The following ARHGAP44 variants were observed in gnomAD, a reference collection of about 807,000 sequenced individuals.
The protein encoded by ARHGAP44 is Rho GTPase activating protein 44, also known as rho GTPase-activating protein 44.
ARHGAP44 carries 43 observed loss-of-function variants against 106.8 expected under a neutral mutation model. The ratio of observed to expected loss-of-function variants is 0.40; its 90% CI spans 0.32 to 0.52. The LOEUF is 0.52. ARHGAP44 is among the 20% of genes least tolerant of loss of function. ARHGAP44 has a pLI of 0.48. For missense variants in ARHGAP44, 866 were observed against 1,050.5 expected (o/e 0.82, Z 2.43); for synonymous variants, 439 against 410.3 (o/e 1.07, Z -0.85).
At chr17:12,800,793 A>G (rs2034068962) in intron 1 of ARHGAP44, among the ~76,000 whole-genome samples, 2 of 152,336 alleles carry the variant, frequency 1.3e-5, no homozygotes, top group South Asian at 4.1e-4. Context: ...GATTTGAACC[A>G]GGGCCTAAGT....
intron 1 of ARHGAP44, among the ~76,000 whole-genome samples, chr17:12,853,221 G>A (rs904335179): frequency 1.3e-5 from 2 of 152,188 alleles, no homozygotes; most frequent in African/African-American, 4.8e-5. Flanking sequence ...TCTGATGTTC[G>A]AGGGCAGGAA....
At chr17:12,909,824 T>G (rs2150941021) in intron 4 of ARHGAP44, among the ~76,000 whole-genome samples, 1 of 152,236 alleles carries the variant, frequency 6.6e-6, no homozygotes, top group South Asian at 2.1e-4. Flanking sequence ...TCTTTGGATT[T>G]AAGGAGCACA....
chr17:12,889,325 A>G (rs2036972991), intron 1 of ARHGAP44, among the ~76,000 whole-genome samples: 1 of 152,312 alleles, frequency 6.6e-6, no homozygotes, highest in East Asian at 1.9e-4. Flanking sequence ...TTATTTTCTC[A>G]GAGTCCTGGA....
intron 10 of ARHGAP44, among the ~76,000 whole-genome samples, chr17:12,945,004 A>C (rs1054333339): frequency 3.3e-5 from 5 of 151,828 alleles, no homozygotes; most frequent in African/African-American, 1.2e-4. Context: ...AAAAATGTCT[A>C]TGAGAAATTT....
At chr17:12,875,875 T>C (rs7218753) in intron 1 of ARHGAP44, among the ~76,000 whole-genome samples, 19,696 of 151,892 alleles carry the variant, frequency 0.13, 3,556 homozygotes, top group African/African-American at 0.41. Flanking sequence ...ACCCGGGAGG[T>C]GGAGTTTGCA....
chr17:12,794,146 T>C (rs1325106085), intron 1 of ARHGAP44, among the ~76,000 whole-genome samples: 1 of 152,180 alleles, frequency 6.6e-6, no homozygotes. Context: ...GTGAGAAGCA[T>C]ACCGAAAGGC....
intron 18 of ARHGAP44, 24 bp downstream of exon 18, chr17:12,974,334 G>A (rs1018018431): frequency 5.1e-6 from 7 of 1,385,486 alleles, no homozygotes; most frequent in Admixed American, 3.8e-5. Flanking sequence ...ACTGCCGTCC[G>A]GGCGGGCTGG....
chr17:12,860,240 A>G (rs1170769528), intron 1 of ARHGAP44, among the ~76,000 whole-genome samples: 1 of 152,248 alleles, frequency 6.6e-6, no homozygotes, highest in African/African-American at 2.4e-5. Flanking sequence ...CCAGCTGTTC[A>G]GTTTTATATA....
At chr17:12,933,238 A>G (rs978395712) in intron 7 of ARHGAP44, among the ~76,000 whole-genome samples, 2 of 152,070 alleles carry the variant, frequency 1.3e-5, no homozygotes, top group Non-Finnish European at 2.9e-5. Flanking sequence ...TCAGCAGGCA[A>G]GTGTTTGGGA....
In ARHGAP44 at chr17:12,935,458, T is replaced by G. The variant is rs371607197; in HGVS notation, c.583-5598T>G. Among the ~76,000 whole-genome samples the G allele has an allele frequency of 1.5e-3, 228 of 151,834 alleles. 10 individuals carry two copies. The South Asian group carries it at 0.04, about 27-fold the overall frequency. On this transcript the variant is annotated intron_variant, in intron 7 of 20. Coordinates refer to ENST00000379672, the MANE Select transcript of ARHGAP44 (RefSeq NM_014859.6). ...GGTGGCTCATACCTATAATTCCAGC[T>G]ACTTGGGAAGCCAAATAAGGAGAAT...
intron 1 of ARHGAP44, among the ~76,000 whole-genome samples, chr17:12,837,387 A>G (rs2035266434): frequency 6.6e-6 from 1 of 152,192 alleles, no homozygotes; most frequent in Non-Finnish European, 1.5e-5. Context: ...ACCCATAAGT[A>G]TATGCACTTG....
intron 1 of ARHGAP44, among the ~76,000 whole-genome samples, chr17:12,821,130 G>A (rs539353069): frequency 5.9e-5 from 9 of 152,272 alleles, no homozygotes; most frequent in African/African-American, 1.9e-4. Flanking sequence ...GTCAGAAGAG[G>A]TGACATTATA....
intron 3 of ARHGAP44, among the ~76,000 whole-genome samples, chr17:12,903,494 G>A (rs2037456716): frequency 6.6e-6 from 1 of 152,154 alleles, no homozygotes; most frequent in Non-Finnish European, 1.5e-5. Context: ...GACTGGCTTT[G>A]TCAGTGTGGA....
At chr17:12,841,641 A>ACAC (rs2035409552) in intron 1 of ARHGAP44, among the ~76,000 whole-genome samples, 2 of 127,894 alleles carry the variant, frequency 1.6e-5, no homozygotes, top group Non-Finnish European at 3.2e-5. Context: ...CACACACACA[A>ACAC]ACAAACAAAC....
intron 1 of ARHGAP44, among the ~76,000 whole-genome samples, chr17:12,825,244 C>A (rs1405522455): frequency 6.6e-6 from 1 of 151,988 alleles, no homozygotes; most frequent in Non-Finnish European, 1.5e-5. Context: ...TGTCATGTTG[C>A]CCAGGCTGGT....
chr17:12,931,298 C>T (rs2038392344), intron 7 of ARHGAP44, among the ~76,000 whole-genome samples: 1 of 152,038 alleles, frequency 6.6e-6, no homozygotes, highest in Non-Finnish European at 1.5e-5. Flanking sequence ...TCACAAACTC[C>T]TGACCTCAGG....
In ARHGAP44 at chr17:12,841,624, AC is replaced by A. The variant is rs1405093251; in HGVS notation, c.53+51734del. Among the ~76,000 whole-genome samples, 99 of 144,218 alleles carry A rather than the reference AC, an allele frequency of 6.9e-4. 1 individual carries two copies. The highest frequency in any genetic ancestry group is 9.8e-4 in the Non-Finnish European group (66 of 67,212). 94.6% of individuals were successfully genotyped at this position (144,218 alleles called of 152,430 possible). On this transcript the variant is annotated intron_variant, in intron 1 of 20. Coordinates refer to ENST00000379672, the MANE Select transcript of ARHGAP44 (RefSeq NM_014859.6). ...CACACACACACACACACACACACAC[AC>A]ACACACACACACACAAACAAACAAA...
At chr17:12,965,102 G>A (rs1392157315) in intron 16 of ARHGAP44, among the ~76,000 whole-genome samples, 4 of 152,082 alleles carry the variant, frequency 2.6e-5, no homozygotes, top group South Asian at 2.1e-4. Context: ...TGAAACCCAC[G>A]GATGTCAAGG....
intron 19 of ARHGAP44, among the ~76,000 whole-genome samples, chr17:12,983,582 A>G (rs903106501): frequency 1.3e-5 from 2 of 152,166 alleles, no homozygotes; most frequent in African/African-American, 4.8e-5. Context: ...AGGCGGGCGG[A>G]TCACCTGAGG....
Sources: gnomAD v4.1 joint callset for allele counts (sites outside exome capture counted in the v4.1 genomes callset) on GRCh38, gnomAD v4.1.1 for gene constraint, MANE v1.5 for transcripts, NCBI Gene and HGNC (gene_info 2026-07-23, HGNC 2026-07-21) for gene names.